RBFOX1: variants seen among roughly 807,000 people sequenced by gnomAD.
RBFOX1 encodes RNA binding fox-1 homolog 1.
A neutral mutation model predicts 57.7 loss-of-function variants in RBFOX1; 8 were observed. That is an observed-to-expected ratio of 0.14 (90% CI 0.08 to 0.25). RBFOX1 has a LOEUF of 0.25. RBFOX1 is among the 10% of genes least tolerant of loss of function. The pLI is 1.00. For missense variants in RBFOX1, 611 were observed against 548.5 expected, an observed-to-expected ratio of 1.11 and a Z score of -1.14; for synonymous variants, 326 against 222.4, an observed-to-expected ratio of 1.47 and a Z score of -4.15.
chr16:7,329,053 C>T (rs772694853), intron 4 of RBFOX1, among the ~76,000 whole-genome samples: 2 of 152,134 alleles, frequency 1.3e-5, no homozygotes, highest in Non-Finnish European at 2.9e-5. Context: ...GGCCACAATC[C>T]TTCTTTGGTG....
chr16:6,165,526 T>G (rs2096910781), intron 1 of RBFOX1, among the ~76,000 whole-genome samples: 1 of 152,166 alleles, frequency 6.6e-6, no homozygotes, highest in African/African-American at 2.4e-5. Flanking sequence ...GATAACACGT[T>G]TGCCCTCTGG....
intron 1 of RBFOX1, among the ~76,000 whole-genome samples, chr16:6,132,644 G>T (rs1279525426): frequency 1.3e-5 from 2 of 152,186 alleles, no homozygotes; most frequent in Non-Finnish European, 2.9e-5. Flanking sequence ...AGGTGGCATG[G>T]ACTGTGAGTT....
chr16:6,700,270 C>T (rs761081903), intron 3 of RBFOX1, among the ~76,000 whole-genome samples: 1 of 151,862 alleles, frequency 6.6e-6, no homozygotes, highest in African/African-American at 2.4e-5. Flanking sequence ...TAGCTGAACC[C>T]AAGGCTTGTT....
At chr16:6,726,564 G>T (rs949541776) in intron 3 of RBFOX1, among the ~76,000 whole-genome samples, 2 of 152,016 alleles carry the variant, frequency 1.3e-5, no homozygotes, top group African/African-American at 4.8e-5. Flanking sequence ...ATGAGAGAAG[G>T]CAAGGATGCC....
intron 3 of RBFOX1, among the ~76,000 whole-genome samples, chr16:6,958,383 A>C (rs1472555242): frequency 6.6e-6 from 1 of 152,196 alleles, no homozygotes; most frequent in African/African-American, 2.4e-5. Flanking sequence ...AAAGAGATGG[A>C]GTCAGCATAT....
At chr16:7,089,528 C>T (rs577529772) in intron 4 of RBFOX1, among the ~76,000 whole-genome samples, 3 of 152,224 alleles carry the variant, frequency 2.0e-5, no homozygotes, top group African/African-American at 7.2e-5. Flanking sequence ...TAATTATAAA[C>T]AAATATCAAT....
chr16:7,044,702 A>C (rs913686592), intron 3 of RBFOX1, among the ~76,000 whole-genome samples: 3 of 146,826 alleles, frequency 2.0e-5, no homozygotes, highest in African/African-American at 8.0e-5. Flanking sequence ...GCCATGGGAG[A>C]AAAAAAATAT....
At chr16:6,641,692 A>T (rs2098489590) in intron 2 of RBFOX1, among the ~76,000 whole-genome samples, 1 of 128,482 alleles carries the variant, frequency 7.8e-6, no homozygotes, top group South Asian at 2.7e-4. Context: ...CTGAGATGGC[A>T]CCACCGCAAT....
chr16:6,089,449 T>C (rs1484419796), intron 1 of RBFOX1, among the ~76,000 whole-genome samples: 4 of 152,116 alleles, frequency 2.6e-5, no homozygotes, highest in African/African-American at 9.7e-5. Context: ...AGAGGGCCTA[T>C]AAGGAAGGAG....
At chr16:6,711,158 C>T (rs1168455029) in intron 3 of RBFOX1, among the ~76,000 whole-genome samples, 1 of 152,098 alleles carries the variant, frequency 6.6e-6, no homozygotes, top group Non-Finnish European at 1.5e-5. Flanking sequence ...AGAATTTATC[C>T]AGAATTGTAT....
intron 2 of RBFOX1, among the ~76,000 whole-genome samples, chr16:6,423,760 G>C (rs2152992827): frequency 6.6e-6 from 1 of 152,240 alleles, no homozygotes; most frequent in South Asian, 2.1e-4. Flanking sequence ...CGCCAGATGA[G>C]AGTTCAGCTA....
chr16:6,687,112 GTTGTTA>G (rs2059550097), intron 3 of RBFOX1, among the ~76,000 whole-genome samples: 1 of 152,160 alleles, frequency 6.6e-6, no homozygotes, highest in East Asian at 1.9e-4. Context: ...AAGGGCTTTT[GTTGTTA>G]TTGTTATTAC....
intron 4 of RBFOX1, among the ~76,000 whole-genome samples, chr16:7,442,298 G>C (rs1032305445): frequency 2.0e-5 from 3 of 152,112 alleles, no homozygotes; most frequent in Non-Finnish European, 4.4e-5. Context: ...TCCCTCCTCT[G>C]CCTTCTCCAG....
At chr16:5,452,604 A>G (rs1042995676) in intron 1 of RBFOX1, among the ~76,000 whole-genome samples, 5 of 149,400 alleles carry the variant, frequency 3.3e-5, no homozygotes, top group African/African-American at 1.2e-4. Flanking sequence ...CCTCATCCAC[A>G]CTGCTACCCA....
intron 4 of RBFOX1, among the ~76,000 whole-genome samples, chr16:5,940,235 AG>A (rs1199768255): frequency 1.3e-5 from 2 of 152,226 alleles, no homozygotes; most frequent in East Asian, 3.9e-4. Context: ...GACCTTAGTT[AG>A]GCAAGTCACT....
At chr16:6,882,229 C>G (rs2063093446) in intron 3 of RBFOX1, among the ~76,000 whole-genome samples, 1 of 152,064 alleles carries the variant, frequency 6.6e-6, no homozygotes, top group Non-Finnish European at 1.5e-5. Context: ...TTTGCAGTCT[C>G]CACCTTAGAG....
At chr16:5,927,391 T>G (rs759093764) in intron 4 of RBFOX1, among the ~76,000 whole-genome samples, 1 of 152,198 alleles carries the variant, frequency 6.6e-6, no homozygotes, top group Non-Finnish European at 1.5e-5. Flanking sequence ...CTTTTAACAC[T>G]CTATGTACGA....
intron 2 of RBFOX1, among the ~76,000 whole-genome samples, chr16:6,463,115 A>AT (rs2094958480): frequency 6.6e-6 from 1 of 152,050 alleles, no homozygotes; most frequent in Non-Finnish European, 1.5e-5. Context: ...TTTTATAAAA[A>AT]CAGCCTCTTG....
intron 4 of RBFOX1, among the ~76,000 whole-genome samples, chr16:7,159,020 C>T (rs2077727396): frequency 6.6e-6 from 1 of 151,764 alleles, no homozygotes; most frequent in Non-Finnish European, 1.5e-5. Context: ...TTTCTCTCAC[C>T]CCTACCCCCG....
Sources: allele counts gnomAD v4.1 joint callset (sites outside exome capture counted in the v4.1 genomes callset), GRCh38; gene constraint gnomAD v4.1.1; transcripts MANE v1.5; gene names NCBI Gene and HGNC (gene_info 2026-07-23, HGNC 2026-07-21).